Variants in SOCS5 observed in about 807,000 individuals in gnomAD.
SOCS5 encodes the protein CIS-6.
SOCS5 carries 32 observed loss-of-function variants against 42.8 expected under a neutral mutation model. That is an observed-to-expected ratio of 0.75 (90% CI 0.56 to 1.01). The LOEUF (loss-of-function observed/expected upper bound fraction) is 1.01, where lower values mean the gene tolerates loss of function less well. Ranked by LOEUF, SOCS5 falls within the 50% of genes least tolerant of loss-of-function variation. The pLI, the probability that SOCS5 is intolerant of heterozygous loss-of-function variation, is 0.00. For synonymous variants in SOCS5, 283 were observed against 229.6 expected, an observed-to-expected ratio of 1.23 and a Z score of -2.10; for missense variants, 627 against 653.0, an observed-to-expected ratio of 0.96 and a Z score of 0.43.
chr2:46,727,107 A>G (rs1673014216), intron 1 of SOCS5, among the ~76,000 whole-genome samples: 2 of 148,592 alleles, frequency 1.3e-5, no homozygotes, highest in South Asian at 4.2e-4. Flanking sequence ...TGTTGAGACC[A>G]ATTTGTTTCA....
chr2:46,756,009 T>A (rs929836815), intron 1 of SOCS5, among the ~76,000 whole-genome samples: 3 of 152,108 alleles, frequency 2.0e-5, no homozygotes, highest in African/African-American at 7.2e-5. Context: ...AATAGAGAAA[T>A]AACTAAATTT....
At position 46,758,921 on chromosome 2, in the gene SOCS5, A is replaced by G. The variant is rs1309982578; in HGVS notation, c.391A>G (p.Lys131Glu). The G allele has an allele frequency of 1.7e-5, 27 of 1,613,924 alleles. No individual in the cohort carries two copies. The highest frequency in any genetic ancestry group is 2.3e-5 in the Non-Finnish European group (27 of 1,179,902). Reference protein sequence around the residue: ...GGKKKHSCSTKTQSSLDADKK... With the variant: ...GGKKKHSCSTETQSSLDADKK... ...GAAGAAAAAACATTCCTGTTCTACA[A>G]AGACCCAGAGTTCATTGGATGCTGA... is the stretch of plus-strand genomic sequence containing the variant. Residue 131 changes from lysine (K) to glutamate (E), a missense_variant, in exon 2 of 2, where the codon AAG becomes GAG. Lys to Glu is a moderately conservative substitution (Grantham distance 56). Around this residue, in one of 3 missense-constraint regions of SOCS5, gnomAD observed 278 missense variants for 246.3 expected, o/e 1.13. Coordinates refer to ENST00000394861, the MANE Select transcript of SOCS5 (RefSeq NM_144949.3).
At chr2:46,738,727 A>G (rs1164297276) in intron 1 of SOCS5, among the ~76,000 whole-genome samples, 1 of 152,202 alleles carries the variant, frequency 6.6e-6, no homozygotes, top group African/African-American at 2.4e-5. Context: ...GCTTCTATGT[A>G]TGTGTTAAAA....
At chr2:46,718,937 A>G (rs1205343702) in intron 1 of SOCS5, among the ~76,000 whole-genome samples, 2 of 152,244 alleles carry the variant, frequency 1.3e-5, no homozygotes, top group Non-Finnish European at 2.9e-5. Flanking sequence ...TTTAATTTTT[A>G]GGAATTTATT....
At chr2:46,740,618 A>T (rs1453571591) in intron 1 of SOCS5, among the ~76,000 whole-genome samples, 1 of 152,196 alleles carries the variant, frequency 6.6e-6, no homozygotes, top group African/African-American at 2.4e-5. Context: ...AAGAATACAG[A>T]GTCTAGAAGC....
At chr2:46,708,272 A>C (rs931243115) in intron 1 of SOCS5, among the ~76,000 whole-genome samples, 5 of 152,180 alleles carry the variant, frequency 3.3e-5, no homozygotes, top group Non-Finnish European at 7.4e-5. Flanking sequence ...AGATTTTGTT[A>C]ATGTTAGAAG....
In SOCS5 at chr2:46,747,777, G is replaced by A. The variant is rs542549502; in HGVS notation, c.-12-10742G>A. Among the ~76,000 whole-genome samples the A allele has an allele frequency of 2.6e-5, 4 of 152,188 alleles. No individual in the cohort carries two copies. The South Asian group carries it at 8.3e-4, about 32-fold the overall frequency. On this transcript the variant is annotated intron_variant, in intron 1 of 1. Coordinates refer to ENST00000394861, the MANE Select transcript of SOCS5 (RefSeq NM_144949.3). ...ATTGAAGGTCAATTTAGAGTAAATA[G>A]GCATAGAGAAAGAGCTTTAAATATT...
intron 1 of SOCS5, among the ~76,000 whole-genome samples, chr2:46,711,181 C>T (rs893948562): frequency 2.6e-5 from 4 of 152,134 alleles, no homozygotes; most frequent in African/African-American, 9.7e-5. Context: ...AGTGGAATTG[C>T]TGGGTTTTAA....
At chr2:46,723,004 T>C (rs770506475) in intron 1 of SOCS5, among the ~76,000 whole-genome samples, 4 of 152,106 alleles carry the variant, frequency 2.6e-5, no homozygotes, top group East Asian at 3.8e-4. Flanking sequence ...ATGGCTGTTA[T>C]ATGCTTTCTT....
In SOCS5 at chr2:46,759,108, C is replaced by T. The variant is rs1362673219; in HGVS notation, c.578C>T (p.Thr193Ile). 6.2e-7 allele frequency: 1 copy of T among 1,613,972 alleles called. No individual in the cohort carries two copies. Among genetic ancestry groups the T allele is most frequent in the Non-Finnish European group, 8.5e-7 (1 of 1,179,836 alleles). Residue 193 changes from threonine to isoleucine, a missense_variant, in exon 2 of 2, where the codon ACT becomes ATT. Physicochemically the swap from Thr to Ile is moderately conservative, Grantham distance 89 (BLOSUM62 -1). This residue lies in a region of SOCS5 where 278 missense variants were observed against 246.3 expected (regional missense o/e 1.13). Coordinates refer to ENST00000394861, the MANE Select transcript of SOCS5 (RefSeq NM_144949.3). ...GTGGGCTTGTGTTTTCCCATGAGAACTTACAGCAAGCAGTCAAAGCCTCTC... is the reference window on the plus strand; with the variant it reads ...GTGGGCTTGTGTTTTCCCATGAGAATTTACAGCAAGCAGTCAAAGCCTCTC... ...DTVGLCFPMR[T>I]YSKQSKPLFS...
rs1673860746 is a variant in SOCS5 at position 46,761,167 on chromosome 2, A to T, written c.*1026A>T. On this transcript the variant is annotated 3_prime_UTR_variant, in exon 2 of 2. Transcript: ENST00000394861. ...CAGTGCAGTTCATTCTTAATGGAAA[A>T]TCTGAAACCTAAATTGCAGATTTAA... is the stretch of plus-strand genomic sequence containing the variant. The T allele has an allele frequency of 6.0e-6, 1 of 167,124 alleles. No individual in the cohort carries two copies. Among genetic ancestry groups the T allele is most frequent in the African/African-American group, 2.4e-5 (1 of 41,472 alleles). The allele number at this position is 167,124 out of a possible 1,614,324, so 10.4% of individuals were successfully genotyped here. A position where few individuals can be genotyped will look rare whatever the true frequency, so the allele number is the denominator to read the frequency against.
chr2:46,709,099 C>T (rs567978072), intron 1 of SOCS5, among the ~76,000 whole-genome samples: 94 of 152,082 alleles, frequency 6.2e-4, no homozygotes, highest in African/African-American at 2.1e-3. Flanking sequence ...GTTGGCCAGA[C>T]GGTCTCAATT....
chr2:46,707,436 T>C (rs182127044), intron 1 of SOCS5, among the ~76,000 whole-genome samples: 2 of 152,292 alleles, frequency 1.3e-5, no homozygotes, highest in East Asian at 1.9e-4. Context: ...GCTCATAAAA[T>C]GAAATAAGCT....
At chr2:46,730,310 G>C (rs1673087310) in intron 1 of SOCS5, among the ~76,000 whole-genome samples, 1 of 152,054 alleles carries the variant, frequency 6.6e-6, no homozygotes, top group African/African-American at 2.4e-5. Context: ...CTTAGATTAA[G>C]ATTAGGTTGG....
intron 1 of SOCS5, among the ~76,000 whole-genome samples, chr2:46,742,394 G>A (rs909376042): frequency 2.2e-5 from 3 of 133,424 alleles, no homozygotes; most frequent in African/African-American, 8.8e-5. Flanking sequence ...ACACCACTGT[G>A]TCTGGCATAT....
chr2:46,715,293 G>A lies in SOCS5; in HGVS notation c.-13+15844G>A, dbSNP rs907253387. On this transcript the variant is annotated intron_variant, in intron 1 of 1. Coordinates refer to ENST00000394861, the MANE Select transcript of SOCS5 (RefSeq NM_144949.3). ...AGCTTAGGTGGGAGGTATTGCTTGA[G>A]CCTGGGCTGTCGAGGCTGCAGTGAG... Among the ~76,000 whole-genome samples, 3 of 151,300 alleles carry A rather than the reference G, an allele frequency of 2.0e-5. No homozygotes were observed. The South Asian group carries it at 6.3e-4, about 32-fold the overall frequency.
At chr2:46,712,995 A>C (rs1672662411) in intron 1 of SOCS5, among the ~76,000 whole-genome samples, 1 of 152,210 alleles carries the variant, frequency 6.6e-6, no homozygotes, top group African/African-American at 2.4e-5. Flanking sequence ...GGAATTTATC[A>C]ATGAAGCCAT....
At chr2:46,745,945 A>T (rs1673485808) in intron 1 of SOCS5, among the ~76,000 whole-genome samples, 1 of 152,112 alleles carries the variant, frequency 6.6e-6, no homozygotes, top group Admixed American at 6.5e-5. Context: ...CAACTATATT[A>T]TCTCAATATT....
At chr2:46,744,283 C>T (rs139792866) in intron 1 of SOCS5, among the ~76,000 whole-genome samples, 2 of 152,164 alleles carry the variant, frequency 1.3e-5, no homozygotes, top group Admixed American at 1.3e-4. Context: ...AGCCACCACA[C>T]CCAGCCCTTT....
Sources: allele counts gnomAD v4.1 joint callset (sites outside exome capture counted in the v4.1 genomes callset), GRCh38; gene constraint gnomAD v4.1.1; regional missense constraint gnomAD v4.1.1; transcripts MANE v1.5; gene names NCBI Gene and HGNC (gene_info 2026-07-23, HGNC 2026-07-21).